TTYH1: variants seen among roughly 807,000 people sequenced by gnomAD.
TTYH1 encodes the protein tweety family member 1, also known as protein tweety homolog 1.
TTYH1 carries 33 observed loss-of-function variants against 61.2 expected under a neutral mutation model. The observed-to-expected ratio is 0.54, with a 90% CI of 0.41 to 0.72. The LOEUF is 0.72. TTYH1 is among the 30% of genes least tolerant of loss of function. The pLI is 0.00. For synonymous variants in TTYH1, 308 were observed against 266.4 expected, an observed-to-expected ratio of 1.16 and a Z score of -1.52; for missense variants, 538 against 575.8, an observed-to-expected ratio of 0.93 and a Z score of 0.67.
At chr19:54,423,629 G>A (rs149163117) in intron 4 of TTYH1, among the ~76,000 whole-genome samples, 3 of 152,306 alleles carry the variant, frequency 2.0e-5, no homozygotes, top group African/African-American at 7.2e-5. Flanking sequence ...GGGAATCGGG[G>A]CAGCGTCCCC....
chr19:54,429,778 C>T lies in TTYH1; in HGVS notation c.808-104C>T. On this transcript the variant is annotated intron_variant, in intron 6 of 13. Coordinates refer to ENST00000376530, the MANE Select transcript of TTYH1 (RefSeq NM_020659.4). The surrounding 1 kb of genome is among the most constrained non-coding windows in gnomAD (Gnocchi z 5.1). ...GAGGGAAGAGGGGCTGGGACCTGGACCCCTGGGTGGGGAGGGGAGCTGGGG... is the reference window on the plus strand; with the variant it reads ...GAGGGAAGAGGGGCTGGGACCTGGATCCCTGGGTGGGGAGGGGAGCTGGGG... 1.0e-6 allele frequency: 1 copy of T among 995,658 alleles called. No homozygotes were observed. The highest frequency in any genetic ancestry group is 2.4e-5 in the East Asian group (1 of 41,800). The allele number at this position is 995,658 out of a possible 1,614,324, so 61.7% of individuals were successfully genotyped here. A position where few individuals can be genotyped will look rare whatever the true frequency, so the allele number is the denominator to read the frequency against.
rs1196646294 is a variant in TTYH1, at chr19:54,430,831, C to A, written c.958C>A (p.Arg320=). ...TCTGCAGAGGCTGACTCTGTCCCAG[C>A]GAGCTCTGGCCAACATCCACTCCCA... ...PFQQRLTLSQ[R]ALANIHSQLL... The change falls in exon 9 of 14, where the codon CGA becomes AGA. Residue 320 remains arginine (R), a synonymous_variant. Transcript: ENST00000376530. 1.9e-6 allele frequency: 3 copies of A among 1,613,902 alleles called. No individual in the cohort carries two copies. The highest frequency in any genetic ancestry group is 3.3e-5 in the Admixed American group (2 of 59,994).
rs376170956 is a variant in TTYH1 at position 54,426,659 on chromosome 19, C to T, written c.639-14C>T. 909 of 1,611,482 alleles carry T rather than the reference C, an allele frequency of 5.6e-4. 2 individuals carry two copies. The highest frequency in any genetic ancestry group is 7.1e-4 in the Non-Finnish European group (836 of 1,178,284). ...GCAGGTTTGTGGTTTCAGCCCTACCCTCTCCCCTCCCAGGTGGCTGGCCTA... is the reference window on the plus strand; with the variant it reads ...GCAGGTTTGTGGTTTCAGCCCTACCTTCTCCCCTCCCAGGTGGCTGGCCTA... On this transcript the variant is annotated splice_polypyrimidine_tract_variant and intron_variant, in intron 4 of 13. Coordinates refer to ENST00000376530, the MANE Select transcript of TTYH1 (RefSeq NM_020659.4).
In TTYH1 at chr19:54,415,715, G is replaced by A. The variant is rs188440981; in HGVS notation, c.126+37G>A. On this transcript the variant is annotated intron_variant, in intron 1 of 13. Coordinates refer to ENST00000376530, the MANE Select transcript of TTYH1 (RefSeq NM_020659.4). This position sits in a 1 kb window ranked among gnomAD's most constrained non-coding sequence, Gnocchi z 5.2. ...CGCCAGGGCCTGGGGGCCAGGGCTGGGGGCCGGAGCTCCTGGGTCCCGAGG... is the reference window on the plus strand; with the variant it reads ...CGCCAGGGCCTGGGGGCCAGGGCTGAGGGCCGGAGCTCCTGGGTCCCGAGG... 251 of 1,504,562 alleles carry A rather than the reference G, an allele frequency of 1.7e-4. No individual in the cohort carries two copies. In the African/African-American group the frequency reaches 3.1e-3, roughly 19 times the overall value. The allele number at this position is 1,504,562 out of a possible 1,614,324, so 93.2% of individuals were successfully genotyped here. A position where few individuals can be genotyped will look rare whatever the true frequency, so the allele number is the denominator to read the frequency against.
rs537505336 is a variant in TTYH1 at position 54,415,940 on chromosome 19, A to G, written c.126+262A>G. On this transcript the variant is annotated intron_variant, in intron 1 of 13. Coordinates refer to ENST00000376530, the MANE Select transcript of TTYH1 (RefSeq NM_020659.4). The surrounding 1 kb of genome is among the most constrained non-coding windows in gnomAD (Gnocchi z 5.2). The stretch of plus-strand genomic sequence containing the variant: ...CTGCACCCCTGAGTTCATGGAGAGG[A>G]GGGGAGGGGGGCCCGGATTCCCGGG... 1 of 972,852 alleles carries G rather than the reference A, an allele frequency of 1.0e-6. No homozygotes were observed. The highest frequency in any genetic ancestry group is 1.5e-5 in the South Asian group (1 of 68,276). 60.3% of individuals were successfully genotyped at this position (972,852 alleles called of 1,614,324 possible). A position where few individuals can be genotyped will look rare whatever the true frequency, so the allele number is the denominator to read the frequency against.
Position 54,419,881 on chromosome 19 carries a change from C to T in TTYH1, c.305+575C>T, listed in dbSNP as rs535837607. Among the ~76,000 whole-genome samples the T allele has an allele frequency of 2.4e-4, 37 of 152,230 alleles. No individual in the cohort carries two copies. Among genetic ancestry groups the T allele is most frequent in the Middle Eastern group, 3.4e-3 (1 of 292 alleles). On this transcript the variant is annotated intron_variant, in intron 2 of 13. Transcript: ENST00000376530. This position sits in a 1 kb window ranked among gnomAD's most constrained non-coding sequence, Gnocchi z 6.1. ...GCAGCTTATGTTCTAATCAGGGAGA[C>T]GGACGATAAATAGATATAATCACCC... is the stretch of plus-strand genomic sequence containing the variant.
In TTYH1 at chr19:54,430,924, C is replaced by T. The variant is rs529906657; in HGVS notation, c.1032+19C>T. 32 of 1,609,444 alleles carry T rather than the reference C, an allele frequency of 2.0e-5. No individual in the cohort carries two copies. In the South Asian group the frequency reaches 3.0e-4, roughly 15 times the overall value. The stretch of plus-strand genomic sequence containing the variant: ...AGCGCAGGTCGGTGGGTGGGCGCTC[C>T]CCAGACACGCGGACCCCACGGGGAA... On this transcript the variant is annotated intron_variant, in intron 9 of 13. Transcript: ENST00000376530.
chr19:54,434,169 C>G lies in TTYH1; in HGVS notation c.1126-1373C>G, dbSNP rs2083492323. On this transcript the variant is annotated intron_variant, in intron 10 of 13. Transcript: ENST00000376530. The surrounding 1 kb of genome is among the most constrained non-coding windows in gnomAD (Gnocchi z 4.3). ...CTACCACCATTGCTGTGCCCTGGTCCCCGCATCCTAGCCACCATGACCACA... is the reference window on the plus strand; with the variant it reads ...CTACCACCATTGCTGTGCCCTGGTCGCCGCATCCTAGCCACCATGACCACA... 1 of 152,372 alleles carries G rather than the reference C, an allele frequency of 6.6e-6. No homozygotes were observed. Among genetic ancestry groups the G allele is most frequent in the Non-Finnish European group, 1.5e-5 (1 of 68,194 alleles). The allele number at this position is 152,372 out of a possible 1,614,324, so 9.4% of individuals were successfully genotyped here. A position where few individuals can be genotyped will look rare whatever the true frequency, so the allele number is the denominator to read the frequency against.
intron 4 of TTYH1, among the ~76,000 whole-genome samples, chr19:54,423,691 C>G (rs749351160): frequency 2.6e-5 from 4 of 152,134 alleles, no homozygotes; most frequent in Non-Finnish European, 4.4e-5. Flanking sequence ...CTGAGAAGGA[C>G]GATTAGCACA....
At position 54,419,350 on chromosome 19, in the gene TTYH1, C is replaced by T. The variant is rs750040497; in HGVS notation, c.305+44C>T. On this transcript the variant is annotated intron_variant, in intron 2 of 13. Transcript: ENST00000376530. This position sits in a 1 kb window ranked among gnomAD's most constrained non-coding sequence, Gnocchi z 6.1. ...GGGTGGGCGGTGGGGACAGGGCTCC[C>T]CAAGCTCTTTGCTGGCCTTCCTGGG... 1 of 1,563,020 alleles carries T rather than the reference C, an allele frequency of 6.4e-7. No individual in the cohort carries two copies. The highest frequency in any genetic ancestry group is 2.3e-5 in the East Asian group (1 of 43,980).
Position 54,421,441 on chromosome 19 carries a change from C to A in TTYH1, c.417+53C>A. 1 of 1,239,490 alleles carries A rather than the reference C, an allele frequency of 8.1e-7. No individual in the cohort carries two copies. The allele number at this position is 1,239,490 out of a possible 1,614,324, so 76.8% of individuals were successfully genotyped here. On this transcript the variant is annotated intron_variant, in intron 3 of 13. Transcript: ENST00000376530. This position sits in a 1 kb window ranked among gnomAD's most constrained non-coding sequence, Gnocchi z 4.8. The stretch of plus-strand genomic sequence containing the variant: ...CAGACCCACACCTGGACGGGCTCCC[C>A]ACACCCAAGGACAAAGGGATCCAAA...
At position 54,416,322 on chromosome 19, in the gene TTYH1, G is replaced by T. The variant is rs2083077714; in HGVS notation, c.126+644G>T. On this transcript the variant is annotated intron_variant, in intron 1 of 13. Coordinates refer to ENST00000376530, the MANE Select transcript of TTYH1 (RefSeq NM_020659.4). The surrounding 1 kb of genome is among the most constrained non-coding windows in gnomAD (Gnocchi z 7.0). The stretch of plus-strand genomic sequence containing the variant: ...GATGAGGCTGGGTTTGGGGAGCCTC[G>T]GGATGACAGACCCGGGTCCCGAGGG... 3.9e-6 allele frequency: 1 copy of T among 254,030 alleles called. No homozygotes were observed. The allele number at this position is 254,030 out of a possible 1,614,324, so 15.7% of individuals were successfully genotyped here.
chr19:54,435,547 T>C lies in TTYH1; in HGVS notation c.1131T>C (p.Tyr377=). Residue 377 remains tyrosine (Y), a synonymous_variant, in exon 11 of 14, where the codon TAT becomes TAC. Transcript: ENST00000376530. The part of the protein sequence containing the change: ...LLHCRSLHKD[Y]GAALRGLCED... Reference sequence around the variant, plus strand: ...TGATGACGCCCTCCCCTCAGGACTATGGTGCAGCCCTGCGGGGCCTGTGCG... The same window carrying C: ...TGATGACGCCCTCCCCTCAGGACTACGGTGCAGCCCTGCGGGGCCTGTGCG... 3 of 1,600,274 alleles carry C rather than the reference T, an allele frequency of 1.9e-6. No individual in the cohort carries two copies. The highest frequency in any genetic ancestry group is 2.6e-6 in the Non-Finnish European group (3 of 1,175,686).
intron 4 of TTYH1, among the ~76,000 whole-genome samples, chr19:54,424,376 G>A (rs1385491277): frequency 1.3e-5 from 2 of 152,224 alleles, no homozygotes; most frequent in Non-Finnish European, 2.9e-5. Flanking sequence ...ACGTCAGCTG[G>A]AGGCCCTGCC....
Position 54,419,582 on chromosome 19 carries a change from T to C in TTYH1, c.305+276T>C, listed in dbSNP as rs2083165137. Reference sequence around the variant, plus strand: ...GGGCAGTCAGATGGCCTGGTTTTGGTGGCTCTCCCATTGAATAGCTGTGTG... The same window carrying C: ...GGGCAGTCAGATGGCCTGGTTTTGGCGGCTCTCCCATTGAATAGCTGTGTG... On this transcript the variant is annotated intron_variant, in intron 2 of 13. Transcript: ENST00000376530. This position sits in a 1 kb window ranked among gnomAD's most constrained non-coding sequence, Gnocchi z 6.1. The C allele has an allele frequency of 1.5e-6, 1 of 670,252 alleles. No individual in the cohort carries two copies. Among genetic ancestry groups the C allele is most frequent in the Non-Finnish European group, 2.7e-6 (1 of 364,828 alleles). The allele number at this position is 670,252 out of a possible 1,614,324, so 41.5% of individuals were successfully genotyped here.
rs1045573865 is a variant in TTYH1 at position 54,420,982 on chromosome 19, G to A, written c.306-295G>A. 6.2e-6 allele frequency: 3 copies of A among 482,398 alleles called. No individual in the cohort carries two copies. Among genetic ancestry groups the A allele is most frequent in the African/African-American group, 3.9e-5 (2 of 51,306 alleles). The allele number at this position is 482,398 out of a possible 1,614,324, so 29.9% of individuals were successfully genotyped here. A position where few individuals can be genotyped will look rare whatever the true frequency, so the allele number is the denominator to read the frequency against. ...CATCCCGGAGCTGGGTGTGACTGGG[G>A]TTCTGCTCCAGGGAGGTGCGAGTTA... is the stretch of plus-strand genomic sequence containing the variant. On this transcript the variant is annotated intron_variant, in intron 2 of 13. Coordinates refer to ENST00000376530, the MANE Select transcript of TTYH1 (RefSeq NM_020659.4). The surrounding 1 kb of genome is among the most constrained non-coding windows in gnomAD (Gnocchi z 4.8).
chr19:54,433,948 T>C (rs926287526), intron 10 of TTYH1, among the ~76,000 whole-genome samples: 1 of 152,044 alleles, frequency 6.6e-6, no homozygotes, highest in Non-Finnish European at 1.5e-5. Context: ...ACAGTGTGCA[T>C]GTACCAATAC....
At position 54,436,860 on chromosome 19, in the gene TTYH1, G is replaced by C; in HGVS notation, c.*570G>C. 7.2e-6 allele frequency: 1 copy of C among 138,464 alleles called. No individual in the cohort carries two copies. Among genetic ancestry groups the C allele is most frequent in the Non-Finnish European group, 1.5e-5 (1 of 65,832 alleles). 8.6% of individuals were successfully genotyped at this position (138,464 alleles called of 1,614,324 possible). ...GTCCAGGCTCAGCAAGGGGTCCAAA[G>C]ACATTGTTCTTTAAAAAAAAAAAAA... On this transcript the variant is annotated 3_prime_UTR_variant, in exon 14 of 14. Coordinates refer to ENST00000376530, the MANE Select transcript of TTYH1 (RefSeq NM_020659.4). This position sits in a 1 kb window ranked among gnomAD's most constrained non-coding sequence, Gnocchi z 4.3.
intron 10 of TTYH1, 112 bp from the exon 11 acceptor site, chr19:54,435,428 GGT>G (rs2083524484): frequency 7.8e-7 from 1 of 1,275,086 alleles, no homozygotes. Flanking sequence ...GGCACAGAGT[GGT>G]CAGTTGACGT....
Sources: gnomAD v4.1 joint callset for allele counts (sites outside exome capture counted in the v4.1 genomes callset) on GRCh38, gnomAD v4.1.1 for gene constraint, Gnocchi (gnomAD v3.1) non-coding constraint, MANE v1.5 for transcripts, NCBI Gene and HGNC (gene_info 2026-07-23, HGNC 2026-07-21) for gene names.